PCDHA2: variants seen among roughly 807,000 people sequenced by gnomAD.
PCDHA2 encodes the protein protocadherin alpha-2.
In PCDHA2, 58 loss-of-function variants were observed where a neutral mutation model predicts 66.0. The ratio of observed to expected loss-of-function variants is 0.88; its 90% CI spans 0.71 to 1.09. PCDHA2 has a LOEUF of 1.09. PCDHA2 is among the 50% of genes least tolerant of loss of function. The pLI is 0.00. For synonymous variants in PCDHA2, 634 were observed against 554.0 expected (o/e 1.14, Z -2.03); for missense variants, 1,267 against 1,242.3 (o/e 1.02, Z -0.30).
intron 1 of PCDHA2, chr5:140,861,826 A>T (rs1350185354): frequency 1.9e-5 from 3 of 159,376 alleles, no homozygotes; most frequent in African/African-American, 7.2e-5. Flanking sequence ...CAGATAGGTA[A>T]GTCACTTCAG....
At chr5:140,824,989 C>T (rs1768412493) in intron 1 of PCDHA2, 3 of 151,936 alleles carry the variant, frequency 2.0e-5, no homozygotes, top group African/African-American at 7.3e-5. Context: ...ATAGGAAACA[C>T]ATATACATGG....
At chr5:140,831,516 C>G (rs572603415) in intron 1 of PCDHA2, among the ~76,000 whole-genome samples, 1 of 130,566 alleles carries the variant, frequency 7.7e-6, no homozygotes, top group African/African-American at 3.1e-5. Context: ...ACCATGCCCC[C>G]CACCTTTTTT....
chr5:140,876,783 C>G (rs1554168916), intron 1 of PCDHA2: 2 of 1,614,196 alleles, frequency 1.2e-6, no homozygotes, highest in Admixed American at 1.7e-5. Flanking sequence ...CGCTGTGGGC[C>G]ACGGCTAGAG....
intron 1 of PCDHA2, chr5:140,803,819 A>G: frequency 1.5e-6 from 1 of 663,036 alleles, no homozygotes; most frequent in South Asian, 2.1e-5. Context: ...TTTTGTTATT[A>G]GGTGCAGTAG....
intron 3 of PCDHA2, among the ~76,000 whole-genome samples, chr5:140,986,633 C>T (rs566373023): frequency 5.9e-5 from 9 of 152,266 alleles, no homozygotes; most frequent in Admixed American, 3.3e-4. Context: ...GGCAACAGTA[C>T]ATTAGTTTTA....
chr5:140,839,017 T>A (rs2150294125), intron 1 of PCDHA2, among the ~76,000 whole-genome samples: 2 of 152,096 alleles, frequency 1.3e-5, no homozygotes, highest in Non-Finnish European at 2.9e-5. Flanking sequence ...TAAATTATTT[T>A]AGGATATGTT....
intron 1 of PCDHA2, chr5:140,966,271 T>C: frequency 2.8e-6 from 1 of 355,706 alleles, no homozygotes; most frequent in Non-Finnish European, 5.0e-6. Flanking sequence ...CTGGATGAAC[T>C]GGACAGTGGG....
At chr5:140,980,856 G>A (rs559833499) in intron 2 of PCDHA2, among the ~76,000 whole-genome samples, 2 of 152,004 alleles carry the variant, frequency 1.3e-5, no homozygotes, top group African/African-American at 2.4e-5. Context: ...AATCTTTTTC[G>A]TATGTGTGCT....
At chr5:140,817,776 G>A (rs1184361600) in intron 1 of PCDHA2, among the ~76,000 whole-genome samples, 1 of 152,060 alleles carries the variant, frequency 6.6e-6, no homozygotes, top group African/African-American at 2.4e-5. Context: ...ATTTCCTTTA[G>A]TGTGGCCTGC....
chr5:140,981,407 C>G (rs1410838924), intron 2 of PCDHA2, among the ~76,000 whole-genome samples: 1 of 152,042 alleles, frequency 6.6e-6, no homozygotes, highest in Non-Finnish European at 1.5e-5. Flanking sequence ...AAACCTGTCT[C>G]TACTAAAAAT....
intron 1 of PCDHA2, among the ~76,000 whole-genome samples, chr5:140,820,396 G>T (rs1212985248): frequency 6.6e-6 from 1 of 151,826 alleles, no homozygotes. Flanking sequence ...TTCTTATCAA[G>T]CTATATTTTA....
At chr5:140,979,104 A>G (rs1563470833) in intron 2 of PCDHA2, 97 bp downstream of exon 2, 3 of 1,539,000 alleles carry the variant, frequency 1.9e-6, no homozygotes, top group Admixed American at 2.2e-5. Context: ...TGTCAAAACT[A>G]AAAAGCTTTA....
chr5:140,920,039 G>A (rs185914290), intron 1 of PCDHA2, among the ~76,000 whole-genome samples: 1 of 152,280 alleles, frequency 6.6e-6, no homozygotes, highest in Non-Finnish European at 1.5e-5. Flanking sequence ...TTGGAGTGAT[G>A]TCAACAGCCA....
At chr5:140,856,589 A>G in intron 1 of PCDHA2, 1 of 1,597,786 alleles carries the variant, frequency 6.3e-7, no homozygotes, top group Non-Finnish European at 8.6e-7. Flanking sequence ...TGTTCTTGAT[A>G]TTATAAACAA....
intron 1 of PCDHA2, chr5:140,850,906 T>A: frequency 6.4e-7 from 1 of 1,550,722 alleles, no homozygotes; most frequent in Non-Finnish European, 8.7e-7. Context: ...TTTTCTAGCA[T>A]TTTATTTATT....
chr5:140,840,105 T>A (rs1418979878), intron 1 of PCDHA2, among the ~76,000 whole-genome samples: 1 of 151,974 alleles, frequency 6.6e-6, no homozygotes, highest in Non-Finnish European at 1.5e-5. Context: ...TTTAGTGAAA[T>A]CGAGTGAAAG....
At chr5:140,812,827 TTTTG>T (rs1301120127) in intron 1 of PCDHA2, 1 of 152,222 alleles carries the variant, frequency 6.6e-6, no homozygotes, top group Non-Finnish European at 1.5e-5. Flanking sequence ...GTGTTTTCAT[TTTTG>T]TTTATCTTAA....
intron 1 of PCDHA2, chr5:140,842,941 G>C (rs1388720747): frequency 3.1e-6 from 5 of 1,594,532 alleles, no homozygotes; most frequent in Admixed American, 1.7e-5. Context: ...CGCGCGACGC[G>C]GGCGTGCCGC....
At chr5:140,838,873 C>T (rs1006134585) in intron 1 of PCDHA2, among the ~76,000 whole-genome samples, 8 of 151,796 alleles carry the variant, frequency 5.3e-5, no homozygotes, top group Non-Finnish European at 1.0e-4. Context: ...AGTTATCATG[C>T]CACTGAACTC....
Sources: allele counts gnomAD v4.1 joint callset (sites outside exome capture counted in the v4.1 genomes callset), GRCh38; gene constraint gnomAD v4.1.1; transcripts MANE v1.5; gene names NCBI Gene and HGNC (gene_info 2026-07-23, HGNC 2026-07-21).